EYA1: variants seen among roughly 807,000 people sequenced by gnomAD.
The protein encoded by EYA1 is protein phosphatase EYA1.
EYA1 carries 16 observed loss-of-function variants against 82.0 expected under a neutral mutation model. The ratio of observed to expected loss-of-function variants is 0.20; its 90% CI spans 0.13 to 0.30. EYA1 has a LOEUF of 0.30. EYA1 is among the 10% of genes least tolerant of loss of function. The pLI, the probability that EYA1 is intolerant of heterozygous loss-of-function variation, is 1.00. For missense variants in EYA1, 633 were observed against 730.7 expected (o/e 0.87, Z 1.54); for synonymous variants, 261 against 264.4 (o/e 0.99, Z 0.12).
At chr8:71,462,296 G>A (rs1231381603) in intron 2 of EYA1, among the ~76,000 whole-genome samples, 1 of 152,172 alleles carries the variant, frequency 6.6e-6, no homozygotes, top group Non-Finnish European at 1.5e-5. Context: ...AAGGAGCCAA[G>A]GTGGCAGGGG....
intron 8 of EYA1, 32 bp from the exon 9 acceptor site, chr8:71,299,265 T>C (rs746481911): frequency 6.3e-7 from 1 of 1,598,716 alleles, no homozygotes; most frequent in South Asian, 1.1e-5. Context: ...GAATTGTCTG[T>C]CAAAATACTG....
intron 3 of EYA1, among the ~76,000 whole-genome samples, chr8:71,347,899 A>C (rs1034342578): frequency 1.1e-4 from 16 of 151,168 alleles, no homozygotes; most frequent in Admixed American, 6.6e-5. Flanking sequence ...AAAAAAAAAA[A>C]AAAAAAAACC....
chr8:71,232,108 T>A (rs1811268526), intron 12 of EYA1, among the ~76,000 whole-genome samples: 1 of 152,214 alleles, frequency 6.6e-6, no homozygotes, highest in Non-Finnish European at 1.5e-5. Flanking sequence ...TACCATCACC[T>A]AACCAAGTGG....
chr8:71,487,667 G>A (rs1810676218), intron 2 of EYA1, among the ~76,000 whole-genome samples: 1 of 152,154 alleles, frequency 6.6e-6, no homozygotes, highest in Non-Finnish European at 1.5e-5. Flanking sequence ...ATGGGCAAAA[G>A]AGATGAACAG....
At chr8:71,359,038 G>A (rs1412243632) in intron 1 of EYA1, among the ~76,000 whole-genome samples, 1 of 151,878 alleles carries the variant, frequency 6.6e-6, no homozygotes, top group African/African-American at 2.4e-5. Context: ...ATAACAAATG[G>A]TCATCTTATA....
chr8:71,253,063 T>C (rs1289900580), intron 11 of EYA1, among the ~76,000 whole-genome samples: 1 of 152,116 alleles, frequency 6.6e-6, no homozygotes, highest in Non-Finnish European at 1.5e-5. Context: ...TCCCTGAAAT[T>C]TTTCAGTGAT....
Position 71,354,802 on chromosome 8 carries a change from A to G in EYA1, c.104T>C (p.Met35Thr). 1 of 1,613,532 alleles carries G rather than the reference A, an allele frequency of 6.2e-7. No individual in the cohort carries two copies. The highest frequency in any genetic ancestry group is 8.5e-7 in the Non-Finnish European group (1 of 1,179,584). ...LGNSHINSNS[M>T]TPNGTEVKTE... Reference sequence around the variant, plus strand: ...CTCACCTTCGGTGCCATTGGGAGTCATGGAATTACTATTTATATGAGAGTT... The same window carrying G: ...CTCACCTTCGGTGCCATTGGGAGTCGTGGAATTACTATTTATATGAGAGTT... Residue 35 changes from methionine (M) to threonine (T), a missense_variant, in exon 3 of 18, where the codon ATG (methionine) becomes ACG (threonine). Transcript: ENST00000340726.
intron 2 of EYA1, among the ~76,000 whole-genome samples, chr8:71,438,969 A>G (rs1398421549): frequency 1.3e-5 from 2 of 152,072 alleles, no homozygotes; most frequent in Non-Finnish European, 2.9e-5. Flanking sequence ...CAGCAAGTGA[A>G]ACTCAAGTAG....
intron 2 of EYA1, among the ~76,000 whole-genome samples, chr8:71,396,501 T>C (rs1829624736): frequency 6.6e-6 from 1 of 152,246 alleles, no homozygotes; most frequent in African/African-American, 2.4e-5. Flanking sequence ...GTCTTTGTTC[T>C]CATTGGTTTC....
At chr8:71,500,971 A>C (rs550532480) in intron 2 of EYA1, among the ~76,000 whole-genome samples, 1 of 152,320 alleles carries the variant, frequency 6.6e-6, no homozygotes, top group South Asian at 2.1e-4. Context: ...GGCTGTGCAA[A>C]AAATAAATCT....
intron 2 of EYA1, among the ~76,000 whole-genome samples, chr8:71,429,144 GTCT>G (rs1380337446): frequency 6.6e-6 from 1 of 152,158 alleles, no homozygotes; most frequent in Non-Finnish European, 1.5e-5. Flanking sequence ...TTTATCCTGA[GTCT>G]TCGTTTTCCA....
chr8:71,368,074 C>T (rs2129086374), intron 2 of EYA1, among the ~76,000 whole-genome samples: 1 of 152,212 alleles, frequency 6.6e-6, no homozygotes, highest in East Asian at 1.9e-4. Context: ...TATCCTCTGC[C>T]TCTTTCAGGG....
intron 1 of EYA1, chr8:71,356,811 A>C: frequency 2.0e-6 from 2 of 1,011,744 alleles, no homozygotes; most frequent in Non-Finnish European, 2.4e-6. Context: ...CCCAATCAAC[A>C]TGCAAAGCAG....
Position 71,516,749 on chromosome 8 carries a change from T to A in EYA1, c.33+18995A>T, listed in dbSNP as rs2082416316. On this transcript the variant is annotated intron_variant, in intron 2 of 18. Transcript: ENST00000643681. ...TACTGGGCTTTCCCACATTCCTGAG[T>A]GGACAACTTCTCCTCTAAAAATCTC... 2.0e-5 allele frequency among the ~76,000 whole-genome samples: 3 copies of A among 152,084 alleles called. No individual in the cohort carries two copies. In the South Asian group the frequency reaches 6.2e-4, roughly 32 times the overall value.
At chr8:71,260,398 A>G (rs532477229) in intron 11 of EYA1, among the ~76,000 whole-genome samples, 1 of 152,234 alleles carries the variant, frequency 6.6e-6, no homozygotes, top group South Asian at 2.1e-4. Flanking sequence ...TTATCCTATT[A>G]TTTTCAATTT....
chr8:71,457,284 G>A (rs1289104426), intron 2 of EYA1, among the ~76,000 whole-genome samples: 1 of 152,176 alleles, frequency 6.6e-6, no homozygotes, highest in African/African-American at 2.4e-5. Flanking sequence ...AGGATGTAGA[G>A]AAATAGGAAC....
At chr8:71,434,024 T>C (rs191220697) in intron 2 of EYA1, among the ~76,000 whole-genome samples, 14 of 152,270 alleles carry the variant, frequency 9.2e-5, no homozygotes, top group African/African-American at 3.4e-4. Context: ...CAATTCATGA[T>C]GTGTTTTGTG....
At chr8:71,391,896 C>A (rs1161581734) in intron 2 of EYA1, among the ~76,000 whole-genome samples, 1 of 152,192 alleles carries the variant, frequency 6.6e-6, no homozygotes, top group Non-Finnish European at 1.5e-5. Flanking sequence ...TAGGAAGTCT[C>A]CTTCCCCAAC....
intron 2 of EYA1, among the ~76,000 whole-genome samples, chr8:71,534,047 T>C (rs745523273): frequency 6.6e-6 from 1 of 152,226 alleles, no homozygotes; most frequent in Non-Finnish European, 1.5e-5. Flanking sequence ...TTACTTAATA[T>C]CTTCTGTCTT....
Sources: allele counts gnomAD v4.1 joint callset (sites outside exome capture counted in the v4.1 genomes callset), GRCh38; gene constraint gnomAD v4.1.1; transcripts MANE v1.5; gene names NCBI Gene and HGNC (gene_info 2026-07-23, HGNC 2026-07-21).